The following WSB1 variants were observed in gnomAD, a reference collection of about 807,000 sequenced individuals.
The protein encoded by WSB1 is WD repeat and SOCS box containing 1, also known as WD repeat and SOCS box-containing protein 1.
A neutral mutation model predicts 50.2 loss-of-function variants in WSB1; 23 were observed. The ratio of observed to expected loss-of-function variants is 0.46; its 90% CI spans 0.33 to 0.65. WSB1 has a LOEUF of 0.65. Among genes scored for constraint, WSB1 ranks in the 30% least tolerant of loss-of-function variants. The pLI is 0.02. For missense variants in WSB1, 492 were observed against 522.3 expected (o/e 0.94, Z 0.56); for synonymous variants, 179 against 172.0 (o/e 1.04, Z -0.32).
Position 27,312,706 on chromosome 17 carries a change from A to G in WSB1, c.*337A>G, listed in dbSNP as rs932788867. On this transcript the variant is annotated 3_prime_UTR_variant, in exon 9 of 9. Transcript: ENST00000262394. ...TATATATTGCTTCAGTAGAGCCACA[A>G]TATGTATCTTTGCTGTAAAGTGCAA... 2.7e-5 allele frequency: 5 copies of G among 187,390 alleles called. No individual in the cohort carries two copies. The highest frequency in any genetic ancestry group is 1.6e-4 in the East Asian group (1 of 6,180). The allele number at this position is 187,390 out of a possible 1,614,324, so 11.6% of individuals were successfully genotyped here. A position where few individuals can be genotyped will look rare whatever the true frequency, so the allele number is the denominator to read the frequency against.
rs2017507462 is a variant in WSB1 at position 27,307,449 on chromosome 17, G to C, written c.711+567G>C. On this transcript the variant is annotated intron_variant, in intron 5 of 8. Transcript: ENST00000262394. ...GATGAACTCTTGTAGTTGTTTACCAGCTCTGTTAGTATAGTTAAATTGATC... is the reference window on the plus strand; with the variant it reads ...GATGAACTCTTGTAGTTGTTTACCACCTCTGTTAGTATAGTTAAATTGATC... 1.1e-5 allele frequency: 5 copies of C among 444,618 alleles called. No homozygotes were observed. The South Asian group carries it at 1.4e-4, about 12-fold the overall frequency. 27.5% of individuals were successfully genotyped at this position (444,618 alleles called of 1,614,324 possible).
chr17:27,294,203 C>T lies in WSB1; in HGVS notation c.-193C>T, dbSNP rs2016845955. 1.6e-6 allele frequency: 1 copy of T among 613,078 alleles called. No individual in the cohort carries two copies. The allele number at this position is 613,078 out of a possible 1,614,324, so 38.0% of individuals were successfully genotyped here. On this transcript the variant is annotated 5_prime_UTR_variant, in exon 1 of 9. Transcript: ENST00000262394. ...CAGGGTCTATTGTCTGTGGTTGACT[C>T]CGTACTTTGGTCTGAGGCCTTCGGG...
intron 2 of WSB1, chr17:27,302,386 G>A (rs1456893343): frequency 1.3e-5 from 2 of 150,776 alleles, no homozygotes; most frequent in Non-Finnish European, 2.9e-5. Context: ...ACTCCAGCCT[G>A]GGTGACAGAG....
chr17:27,300,451 T>G (rs1403088412), intron 1 of WSB1, among the ~76,000 whole-genome samples: 1 of 152,202 alleles, frequency 6.6e-6, no homozygotes, highest in African/African-American at 2.4e-5. Context: ...CATTGCAGTA[T>G]GAGCTTGTTG....
intron 7 of WSB1, among the ~76,000 whole-genome samples, chr17:27,310,778 TGTTA>T (rs1474246714): frequency 6.6e-6 from 1 of 152,230 alleles, no homozygotes; most frequent in Non-Finnish European, 1.5e-5. Flanking sequence ...AGATTCTGCA[TGTTA>T]GTTCTCTGCT....
intron 5 of WSB1, chr17:27,308,155 A>G (rs983891485): frequency 1.8e-5 from 18 of 1,009,162 alleles, no homozygotes; most frequent in Admixed American, 5.9e-5. Flanking sequence ...CTTTGATTCA[A>G]TTTAAAATTT....
chr17:27,311,050 T>TA (rs948304961), intron 7 of WSB1, among the ~76,000 whole-genome samples: 50 of 152,238 alleles, frequency 3.3e-4, no homozygotes, highest in African/African-American at 1.1e-3. Context: ...AGGGTCTCCC[T>TA]ATGTTGCCCA....
chr17:27,312,034 T>C (rs2017705366), intron 8 of WSB1, among the ~76,000 whole-genome samples, 176 bp from the exon 9 acceptor site: 1 of 152,104 alleles, frequency 6.6e-6, no homozygotes, highest in African/African-American at 2.4e-5. Flanking sequence ...TAAGTGTTCT[T>C]CATAGTAGTG....
intron 4 of WSB1, among the ~76,000 whole-genome samples, chr17:27,305,428 A>T (rs562173597): frequency 6.6e-6 from 1 of 152,268 alleles, no homozygotes; most frequent in Non-Finnish European, 1.5e-5. Flanking sequence ...GTCCAATACA[A>T]TAGAAAGATA....
At position 27,313,053 on chromosome 17, in the gene WSB1, A is replaced by G. The variant is rs1309448617; in HGVS notation, c.*684A>G. The G allele has an allele frequency of 6.6e-6, 1 of 152,428 alleles. No homozygotes were observed. The highest frequency in any genetic ancestry group is 1.5e-5 in the Non-Finnish European group (1 of 68,054). The allele number at this position is 152,428 out of a possible 1,614,324, so 9.4% of individuals were successfully genotyped here. A position where few individuals can be genotyped will look rare whatever the true frequency, so the allele number is the denominator to read the frequency against. ...GAGACTCCATCTCAAAAAAAAAAAAAAATTGTGTTGCCTCATACGAAATGT... is the reference window on the plus strand; with the variant it reads ...GAGACTCCATCTCAAAAAAAAAAAAGAATTGTGTTGCCTCATACGAAATGT... On this transcript the variant is annotated 3_prime_UTR_variant, in exon 9 of 9. Coordinates refer to ENST00000262394, the MANE Select transcript of WSB1 (RefSeq NM_015626.10).
In WSB1 at chr17:27,312,472, TATTTA is replaced by T; in HGVS notation, c.*108_*112del. 1 of 1,469,078 alleles carries T rather than the reference TATTTA, an allele frequency of 6.8e-7. No individual in the cohort carries two copies. The highest frequency in any genetic ancestry group is 9.2e-7 in the Non-Finnish European group (1 of 1,081,936). 91.0% of individuals were successfully genotyped at this position (1,469,078 alleles called of 1,614,324 possible). On this transcript the variant is annotated 3_prime_UTR_variant, in exon 9 of 9. Coordinates refer to ENST00000262394, the MANE Select transcript of WSB1 (RefSeq NM_015626.10). Reference sequence around the variant, plus strand: ...TCTGTTTTTAAAGACGTAGAAGATTTATTTAATTTGATATGTTCTTGTACTGCATT... The same window carrying T: ...TCTGTTTTTAAAGACGTAGAAGATTTATTTGATATGTTCTTGTACTGCATT...
chr17:27,304,908 G>T lies in WSB1; in HGVS notation c.607G>T (p.Asp203Tyr), dbSNP rs1459552244. ...TCTCAGAGTATGGGACCTGAAAGAT[G>T]ATGGTATGTCTTTTTTCCAAGCTAT... is the stretch of plus-strand genomic sequence containing the variant. ...KTLRVWDLKD[D>Y]GNMMKVLRGH... The change falls in exon 4 of 9, where the codon GAT becomes TAT. Residue 203 changes from aspartate to tyrosine, a missense_variant. By Grantham distance (160) the Asp-to-Tyr change is radical (BLOSUM62 -3). Transcript: ENST00000262394. 1 of 1,613,876 alleles carries T rather than the reference G, an allele frequency of 6.2e-7. No individual in the cohort carries two copies.
intron 2 of WSB1, chr17:27,302,860 T>C (rs1233809252): frequency 6.5e-6 from 1 of 152,994 alleles, no homozygotes; most frequent in Non-Finnish European, 1.5e-5. Flanking sequence ...CCTGTTTTTT[T>C]TGTGTCTAGC....
At chr17:27,304,987 GGC>G in intron 4 of WSB1, 76 bp downstream of exon 4, 2 of 1,551,150 alleles carry the variant, frequency 1.3e-6, no homozygotes, top group South Asian at 2.4e-5. Context: ...GAACATGTGG[GGC>G]ATTTGACTTT....
chr17:27,300,025 A>C (rs1248509384), intron 1 of WSB1, among the ~76,000 whole-genome samples: 1 of 152,184 alleles, frequency 6.6e-6, no homozygotes, highest in Non-Finnish European at 1.5e-5. Context: ...GGCAGATAAC[A>C]TATTTAAATC....
chr17:27,301,621 G>T, intron 1 of WSB1, 167 bp from the exon 2 acceptor site: 1 of 493,366 alleles, frequency 2.0e-6, no homozygotes, highest in Non-Finnish European at 3.4e-6. Flanking sequence ...TTATCGTTAA[G>T]GGGTCTTCAT....
intron 1 of WSB1, among the ~76,000 whole-genome samples, chr17:27,298,842 C>T (rs1435686794): frequency 2.0e-5 from 3 of 151,814 alleles, no homozygotes; most frequent in East Asian, 1.9e-4. Flanking sequence ...CCAGCCTGGG[C>T]GACAGAGCAA....
At chr17:27,299,029 C>T (rs1051514472) in intron 1 of WSB1, among the ~76,000 whole-genome samples, 1 of 152,078 alleles carries the variant, frequency 6.6e-6, no homozygotes, top group Non-Finnish European at 1.5e-5. Flanking sequence ...AGAGCAAGAC[C>T]CTGTCTAAAA....
At chr17:27,308,001 T>A in intron 5 of WSB1, 1 of 1,234,456 alleles carries the variant, frequency 8.1e-7, no homozygotes, top group Non-Finnish European at 1.0e-6. Context: ...TAAAATACAC[T>A]GACTCCTGAG....
Sources: allele counts gnomAD v4.1 joint callset (sites outside exome capture counted in the v4.1 genomes callset), GRCh38; gene constraint gnomAD v4.1.1; transcripts MANE v1.5; gene names NCBI Gene and HGNC (gene_info 2026-07-23, HGNC 2026-07-21).